Variants in TBX15 observed in about 807,000 individuals in gnomAD.
TBX15 encodes the protein T-box transcription factor 15, also known as T-box transcription factor TBX15.
TBX15 carries 18 observed loss-of-function variants against 53.9 expected under a neutral mutation model. That is an observed-to-expected ratio of 0.33 (90% CI 0.23 to 0.49). The LOEUF is 0.49. Ranked by LOEUF, TBX15 falls within the 20% of genes least tolerant of loss-of-function variation. The pLI, the probability that TBX15 is intolerant of heterozygous loss-of-function variation, is 0.98. For missense variants in TBX15, 692 were observed against 749.5 expected (o/e 0.92, Z 0.90); for synonymous variants, 295 against 278.0 (o/e 1.06, Z -0.61).
chr1:118,928,527 A>G (rs79904226), intron 2 of TBX15, among the ~76,000 whole-genome samples: 2 of 152,220 alleles, frequency 1.3e-5, no homozygotes, highest in South Asian at 4.1e-4. Context: ...ATTTAAATAC[A>G]GATAAGTAAT....
chr1:118,895,607 C>A (rs80239970), intron 7 of TBX15, among the ~76,000 whole-genome samples: 5,132 of 152,152 alleles, frequency 0.034, 254 homozygotes, highest in African/African-American at 0.11. Context: ...AGTTCATTTG[C>A]TCCTTGTCAC....
chr1:118,902,419 C>T (rs1203465631), intron 6 of TBX15, among the ~76,000 whole-genome samples: 1 of 152,152 alleles, frequency 6.6e-6, no homozygotes, highest in Non-Finnish European at 1.5e-5. Flanking sequence ...TTTTCTAGCA[C>T]AGTGCTGGTT....
chr1:118,924,711 T>C lies in TBX15; in HGVS notation c.628A>G (p.Met210Val). ...TTGTCAAAACTGACCACCTGTCTCA[T>C]CCAGGTGTCTCCAGAAGCTAGAGAA... is the stretch of plus-strand genomic sequence containing the variant. ...PDSLASGDTW[M>V]RQVVSFDKLK... is the part of the protein sequence containing the mutation. The change falls in exon 4 of 8, where the codon ATG (methionine) becomes GTG (valine). Residue 210 changes from methionine (M) to valine (V), a missense_variant. Transcript: ENST00000369429. The C allele has an allele frequency of 6.2e-7, 1 of 1,614,062 alleles. No individual in the cohort carries two copies.
intron 5 of TBX15, among the ~76,000 whole-genome samples, chr1:118,917,377 A>G (rs991050150): frequency 2.6e-5 from 4 of 152,280 alleles, no homozygotes; most frequent in Admixed American, 2.0e-4. Context: ...ATGAGAACAC[A>G]TAGACACAGG....
rs1254447288 is a variant in TBX15 at position 118,931,615 on chromosome 1, T to G, written c.419+4A>C. 6.2e-7 allele frequency: 1 copy of G among 1,614,018 alleles called. No individual in the cohort carries two copies. Among genetic ancestry groups the G allele is most frequent in the Admixed American group, 1.7e-5 (1 of 60,026 alleles). ...TCTGGCCACTCAAAGGAATTTGTCC[T>G]TACCTGCCTGCTTTGGTGATGATCA... is the stretch of plus-strand genomic sequence containing the variant. On this transcript the variant is annotated splice_donor_region_variant and intron_variant, in intron 2 of 7. Transcript: ENST00000369429.
At chr1:118,962,622 T>C (rs1656916689) in intron 1 of TBX15, among the ~76,000 whole-genome samples, 1 of 152,172 alleles carries the variant, frequency 6.6e-6, no homozygotes, top group African/African-American at 2.4e-5. Flanking sequence ...CAAAGTGCTC[T>C]CAAAAATGGC....
chr1:118,971,234 G>A (rs565873924), intron 1 of TBX15, among the ~76,000 whole-genome samples: 1 of 152,292 alleles, frequency 6.6e-6, no homozygotes, highest in South Asian at 2.1e-4. Context: ...CTACAAAAAT[G>A]TTAAATGTCC....
At chr1:118,986,634 G>A (rs1015999162) in intron 1 of TBX15, among the ~76,000 whole-genome samples, 2 of 152,290 alleles carry the variant, frequency 1.3e-5, no homozygotes, top group South Asian at 2.1e-4. Context: ...CCCTCCCCGG[G>A]CTTGTCAGCG....
Position 118,884,605 on chromosome 1 carries a change from G to GAAAA in TBX15, c.*123_*126dup, listed in dbSNP as rs536044359. ...GTTCTTGGGTATATGTCTTCGGCCA[G>GAAAA]AAAAAAAAAAAAAAAAAAAACACGG... On this transcript the variant is annotated 3_prime_UTR_variant, in exon 8 of 8. Transcript: ENST00000369429. 1,094 of 767,540 alleles carry GAAAA rather than the reference G, an allele frequency of 1.4e-3. No homozygotes were observed. Among genetic ancestry groups the GAAAA allele is most frequent in the Non-Finnish European group, 1.6e-3 (852 of 530,734 alleles). The allele number at this position is 767,540 out of a possible 1,614,324, so 47.5% of individuals were successfully genotyped here. A position where few individuals can be genotyped will look rare whatever the true frequency, so the allele number is the denominator to read the frequency against.
At chr1:118,955,124 A>G (rs1389585182) in intron 1 of TBX15, among the ~76,000 whole-genome samples, 1 of 152,238 alleles carries the variant, frequency 6.6e-6, no homozygotes, top group Non-Finnish European at 1.5e-5. Context: ...AAGTTTGCCT[A>G]TACCTCACCA....
intron 1 of TBX15, among the ~76,000 whole-genome samples, chr1:118,980,856 G>T: frequency 6.6e-6 from 1 of 151,144 alleles, no homozygotes; most frequent in East Asian, 1.9e-4. Context: ...TTTTTGAGAC[G>T]GAGTCTTGCT....
In TBX15 at chr1:118,967,519, C is replaced by G. The variant is rs142749288; in HGVS notation, c.205+20072G>C. ...CTGACAAAGATAGCTATATTCCGTA[C>G]AAACAGCACCTCATCTGCCAACTCA... On this transcript the variant is annotated intron_variant, in intron 1 of 7. Transcript: ENST00000369429. 2.4e-4 allele frequency among the ~76,000 whole-genome samples: 36 copies of G among 152,262 alleles called. No homozygotes were observed. The East Asian group carries it at 5.4e-3, about 23-fold the overall frequency.
At position 118,943,877 on chromosome 1, in the gene TBX15, T is replaced by C. The variant is rs373298961; in HGVS notation, c.206-12045A>G. Reference sequence around the variant, plus strand: ...CATTTTAACCCTATTTTGAGACTTATACAAGGGAACATGCCCAGTGCCACC... The same window carrying C: ...CATTTTAACCCTATTTTGAGACTTACACAAGGGAACATGCCCAGTGCCACC... On this transcript the variant is annotated intron_variant, in intron 1 of 7. Transcript: ENST00000369429. Among the ~76,000 whole-genome samples the C allele has an allele frequency of 3.9e-5, 6 of 152,258 alleles. No homozygotes were observed. The East Asian group carries it at 9.7e-4, about 25-fold the overall frequency.
intron 1 of TBX15, among the ~76,000 whole-genome samples, chr1:118,980,164 G>A (rs1657599957): frequency 6.6e-6 from 1 of 152,202 alleles, no homozygotes; most frequent in Non-Finnish European, 1.5e-5. Context: ...TTCATCGTGC[G>A]TGGAGGAAAA....
In TBX15 at chr1:118,923,587, A is replaced by G; in HGVS notation, c.710T>C (p.Met237Thr). The change falls in exon 5 of 8, where the codon ATG (methionine) becomes ACG (threonine). Residue 237 changes from methionine (M) to threonine (T), a missense_variant. Physicochemically the swap from Met to Thr is moderately conservative, Grantham distance 81 (BLOSUM62 -1). Coordinates refer to ENST00000369429, the MANE Select transcript of TBX15 (RefSeq NM_001330677.2). ...DDQGHIILHS[M>T]HKYQPRVHVI... Reference sequence around the variant, plus strand: ...ATGAACTCGAGGCTGGTATTTGTGCATAGAGTGCAGAATGATCTGAAATAA... The same window carrying G: ...ATGAACTCGAGGCTGGTATTTGTGCGTAGAGTGCAGAATGATCTGAAATAA... 1 of 1,613,996 alleles carries G rather than the reference A, an allele frequency of 6.2e-7. No individual in the cohort carries two copies. Among genetic ancestry groups the G allele is most frequent in the African/African-American group, 1.3e-5 (1 of 75,048 alleles).
chr1:118,957,815 G>C (rs1656744120), intron 1 of TBX15, among the ~76,000 whole-genome samples: 2 of 152,056 alleles, frequency 1.3e-5, no homozygotes, highest in African/African-American at 4.8e-5. Flanking sequence ...CCTTTTTTAT[G>C]GCTGCATAGT....
At chr1:118,894,393 A>C (rs2101479440) in intron 7 of TBX15, among the ~76,000 whole-genome samples, 1 of 152,304 alleles carries the variant, frequency 6.6e-6, no homozygotes, top group East Asian at 1.9e-4. Flanking sequence ...GTCTAGCGAC[A>C]ATGTTAAGGA....
chr1:118,915,350 A>T (rs1297727873), intron 5 of TBX15, among the ~76,000 whole-genome samples: 2 of 152,162 alleles, frequency 1.3e-5, no homozygotes, highest in East Asian at 3.8e-4. Flanking sequence ...CTTTCACCTC[A>T]TTTTATCAGA....
chr1:118,987,203 G>T (rs920285036), intron 1 of TBX15, among the ~76,000 whole-genome samples: 1 of 152,204 alleles, frequency 6.6e-6, no homozygotes, highest in Non-Finnish European at 1.5e-5. Flanking sequence ...AGAACGCCGC[G>T]CCAGTCCTCC....
Sources: allele counts gnomAD v4.1 joint callset (sites outside exome capture counted in the v4.1 genomes callset), GRCh38; gene constraint gnomAD v4.1.1; transcripts MANE v1.5; gene names NCBI Gene and HGNC (gene_info 2026-07-23, HGNC 2026-07-21).